LTBP4: variants seen among roughly 807,000 people sequenced by gnomAD.
The protein encoded by LTBP4 is latent transforming growth factor beta binding protein 4.
Under a neutral mutation model 180.2 loss-of-function variants are expected in LTBP4, and 93 were observed. That is an observed-to-expected ratio of 0.52 (90% CI 0.44 to 0.61). LTBP4 has a LOEUF of 0.61. LTBP4 is among the 20% of genes least tolerant of loss of function. The pLI, the probability that LTBP4 is intolerant of heterozygous loss-of-function variation, is 0.00. For missense variants in LTBP4, 2,116 were observed against 2,256.5 expected (o/e 0.94, Z 1.26); for synonymous variants, 947 against 934.5 (o/e 1.01, Z -0.24).
chr19:40,602,982 C>T (rs1427482101), intron 1 of LTBP4, among the ~76,000 whole-genome samples: 1 of 152,094 alleles, frequency 6.6e-6, no homozygotes, highest in African/African-American at 2.4e-5. Context: ...CAATTAAAAG[C>T]CCCCATTAGA....
rs1164459215 is a variant in LTBP4 at position 40,605,789 on chromosome 19, G to A, written c.751G>A (p.Ala251Thr). 1.3e-6 allele frequency: 2 copies of A among 1,541,266 alleles called. No individual in the cohort carries two copies. The highest frequency in any genetic ancestry group is 2.0e-5 in the Admixed American group (1 of 50,998). ...QEVCCRGAGL[A>T]WGVHDCQLCS... ...GGTCTGCTGCCGAGGGGCCGGCTTG[G>A]CCTGGGGCGTTCACGACTGTCAGCT... Residue 251 changes from alanine (A) to threonine (T), a missense_variant, in exon 4 of 30, where the codon GCC (alanine) becomes ACC (threonine). Coordinates refer to ENST00000396819, the MANE Select transcript of LTBP4 (RefSeq NM_001042545.2). The surrounding 1 kb of genome is among the most constrained non-coding windows in gnomAD (Gnocchi z 5.5).
chr19:40,625,254 A>T (rs13346430), intron 26 of LTBP4, among the ~76,000 whole-genome samples: 1,891 of 4,756 alleles, frequency 0.4, 183 homozygotes, highest in African/African-American at 0.52. Flanking sequence ...TTTTGTATTT[A>T]TATATATATA....
At chr19:40,612,333 G>A (rs1008669391) in intron 15 of LTBP4, 141 bp downstream of exon 15, 53 of 1,162,408 alleles carry the variant, frequency 4.6e-5, no homozygotes, top group Non-Finnish European at 5.9e-5. Flanking sequence ...TCCTGACCCT[G>A]ACCTGGACCA....
chr19:40,623,174 C>CTT (rs11376199), intron 24 of LTBP4, among the ~76,000 whole-genome samples, 153 bp downstream of exon 24: 3,127 of 138,330 alleles, frequency 0.023, 54 homozygotes, highest in Middle Eastern at 0.025. Context: ...TCTTTTCTTT[C>CTT]TTTTTTTTTT....
At chr19:40,597,496 AG>A (rs1163995676), upstream of LTBP4, 15 of 1,216,512 alleles carry the variant, frequency 1.2e-5, no homozygotes. Context: ...GGAGATGCAA[AG>A]AGGGCCCTTG....
At chr19:40,612,285 A>T in intron 15 of LTBP4, 93 bp downstream of exon 15, 1 of 1,459,014 alleles carries the variant, frequency 6.9e-7, no homozygotes, top group Non-Finnish European at 9.1e-7. Flanking sequence ...TAACCTCCTG[A>T]CCTGGACCTC....
intron 22 of LTBP4, 105 bp downstream of exon 22, chr19:40,619,598 G>C: frequency 8.0e-7 from 1 of 1,255,808 alleles, no homozygotes; most frequent in East Asian, 2.5e-5. Flanking sequence ...AAATACTGTT[G>C]TTTTAAACAT....
chr19:40,606,870 C>A (rs528213338), intron 6 of LTBP4, among the ~76,000 whole-genome samples: 168 of 152,200 alleles, frequency 1.1e-3, no homozygotes, highest in Non-Finnish European at 2.1e-3. Flanking sequence ...GCCTCGGCCT[C>A]CCGAGTAGCT....
In LTBP4 at chr19:40,625,250, ATT is replaced by A. The variant is rs1568414196; in HGVS notation, c.3833-605_3833-604del. On this transcript the variant is annotated intron_variant, in intron 26 of 29. Transcript: ENST00000396819. ...GCCACCAAGCCTGGCTAATTTTTGT[ATT>A]TATATATATATATATATATATATAT... 5.4e-4 allele frequency among the ~76,000 whole-genome samples: 26 copies of A among 47,764 alleles called. 2 individuals are homozygous for A. The highest frequency in any genetic ancestry group is 0.01 in the Middle Eastern group (1 of 98). The allele number at this position is 47,764 out of a possible 152,430, so 31.3% of individuals were successfully genotyped here. A position where few individuals can be genotyped will look rare whatever the true frequency, so the allele number is the denominator to read the frequency against.
upstream of LTBP4, chr19:40,600,101 G>A: frequency 7.9e-7 from 1 of 1,259,400 alleles, no homozygotes; most frequent in Non-Finnish European, 1.0e-6. This position sits in a 1 kb window ranked among gnomAD's most constrained non-coding sequence, Gnocchi z 4.4. Flanking sequence ...TGAAGCGGCG[G>A]CGGCCCCGGG....
chr19:40,599,626 C>A, upstream of LTBP4: 1 of 1,468,962 alleles, frequency 6.8e-7, no homozygotes, highest in Non-Finnish European at 9.3e-7. Context: ...GTTTCCGCTC[C>A]TCCTCCCTTC....
upstream of LTBP4, among the ~76,000 whole-genome samples, chr19:40,600,402 G>A (rs935907300): frequency 9.2e-5 from 14 of 152,186 alleles, no homozygotes; most frequent in African/African-American, 3.4e-4. This position sits in a 1 kb window ranked among gnomAD's most constrained non-coding sequence, Gnocchi z 4.4. Context: ...GGGTGGGGCC[G>A]GGAAGCCAGG....
At chr19:40,628,998 C>T (rs1414673501) in intron 29 of LTBP4, among the ~76,000 whole-genome samples, 2 of 151,888 alleles carry the variant, frequency 1.3e-5, no homozygotes, top group Non-Finnish European at 2.9e-5. Context: ...TACAGGCGCC[C>T]GCCACCATGC....
chr19:40,608,453 G>A (rs1005501637), intron 8 of LTBP4, 31 bp from the exon 9 acceptor site: 4 of 1,592,224 alleles, frequency 2.5e-6, no homozygotes, highest in Non-Finnish European at 3.4e-6. Flanking sequence ...GAGGATTTGG[G>A]CTCCACTCGT....
intron 22 of LTBP4, among the ~76,000 whole-genome samples, chr19:40,621,773 G>A (rs963820023): frequency 1.3e-5 from 2 of 152,186 alleles, no homozygotes; most frequent in African/African-American, 4.8e-5. Flanking sequence ...TTTTGTGACA[G>A]AGTCTCGCTC....
In LTBP4 at chr19:40,629,319, C is replaced by T. The variant is rs2081659745; in HGVS notation, c.4520-77C>T. 1.3e-6 allele frequency: 2 copies of T among 1,590,122 alleles called. No homozygotes were observed. The highest frequency in any genetic ancestry group is 2.7e-5 in the African/African-American group (2 of 74,266). ...TGCTCAGCATCTGTGCTCCTCTGTTCCAAGAACTTAAGGGGCCAAGGAGGC... is the reference window on the plus strand; with the variant it reads ...TGCTCAGCATCTGTGCTCCTCTGTTTCAAGAACTTAAGGGGCCAAGGAGGC... On this transcript the variant is annotated intron_variant, in intron 29 of 29. Coordinates refer to ENST00000396819, the MANE Select transcript of LTBP4 (RefSeq NM_001042545.2). The surrounding 1 kb of genome is among the most constrained non-coding windows in gnomAD (Gnocchi z 4.5).
Position 40,607,525 on chromosome 19 carries a change from C to T in LTBP4, c.1152C>T (p.Gly384=). 6.2e-7 allele frequency: 1 copy of T among 1,608,702 alleles called. No homozygotes were observed. The highest frequency in any genetic ancestry group is 8.5e-7 in the Non-Finnish European group (1 of 1,177,974). Residue 384 remains glycine (G), a synonymous_variant, in exon 7 of 30, where the codon GGC becomes GGT. Coordinates refer to ENST00000396819, the MANE Select transcript of LTBP4 (RefSeq NM_001042545.2). ...GCTGCCAGCTCTGCCCACCCTTCGG[C>T]TCAGGTGAGCCCCTGCGGCAGTGCC... ...GRGCQLCPPF[G]SEGFREICPA...
chr19:40,599,199 T>G, upstream of LTBP4: 1 of 1,608,398 alleles, frequency 6.2e-7, no homozygotes. Context: ...ATTTATAGCG[T>G]TGCTGTTTGT....
chr19:40,625,256 A>T (rs1419080311), intron 26 of LTBP4, among the ~76,000 whole-genome samples: 11 of 1,576 alleles, frequency 7.0e-3, no homozygotes, highest in African/African-American at 0.019. Context: ...TTGTATTTAT[A>T]TATATATATA....
Sources: allele counts gnomAD v4.1 joint callset (sites outside exome capture counted in the v4.1 genomes callset), GRCh38; gene constraint gnomAD v4.1.1; non-coding constraint Gnocchi (gnomAD v3.1); transcripts MANE v1.5; gene names NCBI Gene and HGNC (gene_info 2026-07-23, HGNC 2026-07-21).